Variants in EVI5 observed in about 807,000 individuals in gnomAD.
The protein encoded by EVI5 is ecotropic viral integration site 5 protein homolog.
Under a neutral mutation model 112.0 loss-of-function variants are expected in EVI5, and 73 were observed. That is an observed-to-expected ratio of 0.65 (90% CI 0.54 to 0.79). EVI5 has a LOEUF of 0.79. Ranked by LOEUF, EVI5 falls within the 30% of genes least tolerant of loss-of-function variation. The pLI is 0.00. For missense variants in EVI5, 900 were observed against 968.8 expected (o/e 0.93, Z 0.94); for synonymous variants, 305 against 319.9 (o/e 0.95, Z 0.50).
intron 9 of EVI5, among the ~76,000 whole-genome samples, chr1:92,690,276 G>A (rs968048766): frequency 6.6e-6 from 1 of 151,358 alleles, no homozygotes; most frequent in Non-Finnish European, 1.5e-5. Context: ...AATGTAAGAA[G>A]AATAACATTT....
chr1:92,686,634 A>G (rs1668577333), intron 9 of EVI5, among the ~76,000 whole-genome samples: 1 of 152,250 alleles, frequency 6.6e-6, no homozygotes, highest in Admixed American at 6.5e-5. Flanking sequence ...ATGGTTGGAT[A>G]TTTAGAAAAC....
At chr1:92,544,053 T>G (rs2100660860) in intron 19 of EVI5, among the ~76,000 whole-genome samples, 1 of 152,282 alleles carries the variant, frequency 6.6e-6, no homozygotes, top group Admixed American at 6.5e-5. Context: ...AACATTATAC[T>G]AAGTGAAAAA....
Sources: allele counts gnomAD v4.1 joint callset (sites outside exome capture counted in the v4.1 genomes callset), GRCh38; gene constraint gnomAD v4.1.1; transcripts MANE v1.5; gene names NCBI Gene and HGNC (gene_info 2026-07-23, HGNC 2026-07-21).